Variants in SRFBP1 observed in about 807,000 individuals in gnomAD.
The protein encoded by SRFBP1 is serum response factor-binding protein 1.
In SRFBP1, 47 loss-of-function variants were observed where a neutral mutation model predicts 45.5. The ratio of observed to expected loss-of-function variants is 1.03; its 90% CI spans 0.82 to 1.32. The LOEUF is 1.32. Ranked by LOEUF, SRFBP1 falls within the 40% of genes most tolerant of loss-of-function variation. The pLI, the probability that SRFBP1 is intolerant of heterozygous loss-of-function variation, is 0.00. For synonymous variants in SRFBP1, 203 were observed against 166.3 expected (o/e 1.22, Z -1.70); for missense variants, 621 against 484.6 (o/e 1.28, Z -2.64).
chr5:122,019,145 T>C, intron 4 of SRFBP1, 115 bp from the exon 5 acceptor site: 1 of 813,178 alleles, frequency 1.2e-6, no homozygotes, highest in Non-Finnish European at 2.0e-6. Flanking sequence ...GAATATTAAC[T>C]AGTTCTATTC....
downstream of SRFBP1, among the ~76,000 whole-genome samples, chr5:122,032,050 G>A (rs1050000619): frequency 6.6e-6 from 1 of 152,244 alleles, no homozygotes; most frequent in South Asian, 2.1e-4. Flanking sequence ...ATTGGATAGC[G>A]CTGATTATAC....
chr5:121,987,364 T>C (rs936263863), intron 3 of SRFBP1, among the ~76,000 whole-genome samples: 3 of 152,162 alleles, frequency 2.0e-5, no homozygotes, highest in African/African-American at 7.2e-5. Flanking sequence ...TCTGATATTT[T>C]ATTTGGAAAA....
At chr5:122,044,847 A>G (rs1048811640) in intron 2 of SRFBP1, among the ~76,000 whole-genome samples, 1 of 151,914 alleles carries the variant, frequency 6.6e-6, no homozygotes, top group African/African-American at 2.4e-5. Flanking sequence ...TGCTGTGCAA[A>G]AGCTCTTTAA....
chr5:121,981,823 C>G (rs1038838319), intron 3 of SRFBP1, among the ~76,000 whole-genome samples: 1 of 152,016 alleles, frequency 6.6e-6, no homozygotes, highest in Non-Finnish European at 1.5e-5. Context: ...TAGCAGTCTG[C>G]TTTCATGCCA....
chr5:121,985,246 C>T (rs919541172), intron 3 of SRFBP1, among the ~76,000 whole-genome samples: 2 of 151,654 alleles, frequency 1.3e-5, no homozygotes, highest in African/African-American at 2.4e-5. Context: ...AACAGTGAGT[C>T]TTAAAAGTTG....
intron 3 of SRFBP1, among the ~76,000 whole-genome samples, chr5:121,992,886 G>C (rs1420323316): frequency 7.2e-6 from 1 of 138,758 alleles, no homozygotes; most frequent in Admixed American, 6.9e-5. Flanking sequence ...AAGTAAAACA[G>C]TGAATGAGCT....
At chr5:122,061,334 T>A (rs1047322482) in intron 2 of SRFBP1, among the ~76,000 whole-genome samples, 3 of 151,864 alleles carry the variant, frequency 2.0e-5, no homozygotes, top group African/African-American at 7.2e-5. Flanking sequence ...CTGGCAATAT[T>A]GTTTCTAACA....
At chr5:122,046,630 C>G (rs996831440) in intron 2 of SRFBP1, among the ~76,000 whole-genome samples, 34 of 152,188 alleles carry the variant, frequency 2.2e-4, no homozygotes, top group Non-Finnish European at 1.2e-4. Context: ...ACACTGACTT[C>G]CACAATGGTT....
chr5:122,008,830 A>G (rs1018285990), intron 4 of SRFBP1, among the ~76,000 whole-genome samples: 1 of 152,178 alleles, frequency 6.6e-6, no homozygotes, highest in Non-Finnish European at 1.5e-5. Flanking sequence ...AATATGGCAT[A>G]TTTCAGAAAC....
At chr5:122,053,133 C>T (rs1406598667) in intron 2 of SRFBP1, among the ~76,000 whole-genome samples, 1 of 152,058 alleles carries the variant, frequency 6.6e-6, no homozygotes, top group Non-Finnish European at 1.5e-5. Context: ...CCCAGTCAGC[C>T]CTCATATGTT....
intron 2 of SRFBP1, among the ~76,000 whole-genome samples, chr5:122,059,177 G>A (rs1237589006): frequency 6.6e-5 from 10 of 152,080 alleles, no homozygotes; most frequent in African/African-American, 2.2e-4. Context: ...GGGCAACAAG[G>A]CTTTGTGAGA....
Position 122,020,401 on chromosome 5 carries a change from T to C in SRFBP1, c.666T>C (p.Pro222=). 1 of 1,614,086 alleles carries C rather than the reference T, an allele frequency of 6.2e-7. No homozygotes were observed. The highest frequency in any genetic ancestry group is 1.3e-5 in the African/African-American group (1 of 75,036). The change falls in exon 6 of 8, where the codon CCT becomes CCC. Residue 222 remains proline (P), a synonymous_variant. Transcript: ENST00000339397. Reference sequence around the variant, plus strand: ...TTTCCCTTGAGTCCCAGAAGACACCTGCTGACCCAAAACTGAAAACTCTAA... The same window carrying C: ...TTTCCCTTGAGTCCCAGAAGACACCCGCTGACCCAAAACTGAAAACTCTAA... The part of the protein sequence containing the change: ...SVVSLESQKT[P]ADPKLKTLSQ...
chr5:122,077,772 G>T (rs1754685342), downstream of SRFBP1: 11 of 1,549,560 alleles, frequency 7.1e-6, no homozygotes, highest in Non-Finnish European at 9.5e-6. The surrounding 1 kb of genome is among the most constrained non-coding windows in gnomAD (Gnocchi z 4.9). Context: ...GCGGCGCCCG[G>T]GTCCCGGCGG....
At chr5:122,023,153 G>A (rs1753396875) in intron 7 of SRFBP1, among the ~76,000 whole-genome samples, 1 of 152,142 alleles carries the variant, frequency 6.6e-6, no homozygotes, top group Non-Finnish European at 1.5e-5. Context: ...TAGCCACAGG[G>A]GAGCTAAGAA....
chr5:122,016,795 C>T (rs560102299), intron 4 of SRFBP1, among the ~76,000 whole-genome samples: 13 of 152,200 alleles, frequency 8.5e-5, no homozygotes, highest in African/African-American at 2.2e-4. Flanking sequence ...GTTCACTTTG[C>T]GCTGTACTTA....
chr5:122,052,216 T>A (rs868502146), intron 2 of SRFBP1, among the ~76,000 whole-genome samples: 3 of 152,298 alleles, frequency 2.0e-5, no homozygotes, highest in Non-Finnish European at 4.4e-5. Context: ...AATCTGATTA[T>A]AATGGTGTTT....
At chr5:122,074,263 G>T in intron 2 of SRFBP1, 2 of 1,103,214 alleles carry the variant, frequency 1.8e-6, no homozygotes, top group Non-Finnish European at 2.6e-6. Flanking sequence ...TCACAAATTT[G>T]TTTTCACATT....
At chr5:122,035,815 C>G (rs773632965) in intron 2 of SRFBP1, among the ~76,000 whole-genome samples, 1 of 152,160 alleles carries the variant, frequency 6.6e-6, no homozygotes, top group Non-Finnish European at 1.5e-5. Context: ...CCTTGAGCTT[C>G]CACAGGTTCT....
chr5:121,967,583 A>G (rs1220542405), intron 1 of SRFBP1, among the ~76,000 whole-genome samples: 2 of 152,216 alleles, frequency 1.3e-5, no homozygotes, highest in Non-Finnish European at 2.9e-5. Flanking sequence ...CTATAATCCC[A>G]GCACTTTGGG....
Sources: allele counts gnomAD v4.1 joint callset (sites outside exome capture counted in the v4.1 genomes callset), GRCh38; gene constraint gnomAD v4.1.1; non-coding constraint Gnocchi (gnomAD v3.1); transcripts MANE v1.5; gene names NCBI Gene and HGNC (gene_info 2026-07-23, HGNC 2026-07-21).